The following TRIO variants were observed in gnomAD, a reference collection of about 807,000 sequenced individuals.
The protein encoded by TRIO is trio Rho guanine nucleotide exchange factor, also known as triple functional domain protein.
In TRIO, 58 loss-of-function variants were observed where a neutral mutation model predicts 351.9. That is an observed-to-expected ratio of 0.16 (90% CI 0.13 to 0.21). The LOEUF (loss-of-function observed/expected upper bound fraction) is 0.21, where lower values mean the gene tolerates loss of function less well. TRIO is among the 10% of genes least tolerant of loss of function. The pLI is 1.00. For missense variants in TRIO, 3,201 were observed against 4,027.8 expected, an observed-to-expected ratio of 0.79 and a Z score of 5.56; for synonymous variants, 1,758 against 1,595.7, an observed-to-expected ratio of 1.10 and a Z score of -2.42.
intron 2 of TRIO, among the ~76,000 whole-genome samples, chr5:14,271,870 C>T (rs1336039175): frequency 6.6e-6 from 1 of 152,192 alleles, no homozygotes; most frequent in Non-Finnish European, 1.5e-5. Context: ...TAAGATGCAG[C>T]TTCCTATGGT....
chr5:14,286,468 T>TG lies in TRIO; in HGVS notation c.348-402dup, dbSNP rs1444218077. On this transcript the variant is annotated intron_variant, in intron 3 of 56. Transcript: ENST00000344204. This position sits in a 1 kb window ranked among gnomAD's most constrained non-coding sequence, Gnocchi z 4.4. Reference sequence around the variant, plus strand: ...AGACTGTCCCCAGTCTGGGTTTTGTTGCAGGCTGTCAGGGTTTTGTACTCA... The same window carrying TG: ...AGACTGTCCCCAGTCTGGGTTTTGTTGGCAGGCTGTCAGGGTTTTGTACTCA... Among the ~76,000 whole-genome samples the TG allele has an allele frequency of 3.9e-5, 6 of 152,238 alleles. 1 individual carries two copies. The East Asian group carries it at 1.2e-3, about 29-fold the overall frequency.
At chr5:14,490,699 C>A in intron 48 of TRIO, 1 of 428,100 alleles carries the variant, frequency 2.3e-6, no homozygotes, top group Non-Finnish European at 4.7e-6. Flanking sequence ...GCAGGATAGA[C>A]TTGAAATGCC....
chr5:14,330,949 G>T, intron 10 of TRIO, 49 bp downstream of exon 10: 1 of 1,605,878 alleles, frequency 6.2e-7, no homozygotes, highest in South Asian at 1.1e-5. Context: ...CCGTGTGGTT[G>T]ATTTTGGATT....
chr5:14,219,699 G>GCAC, intron 1 of TRIO, among the ~76,000 whole-genome samples: 1 of 152,286 alleles, frequency 6.6e-6, no homozygotes, highest in Admixed American at 6.5e-5. Flanking sequence ...AGAATCCTCA[G>GCAC]CACCAGCTGA....
intron 34 of TRIO, among the ~76,000 whole-genome samples, chr5:14,458,509 C>T (rs1204645296): frequency 2.0e-5 from 3 of 152,172 alleles, no homozygotes; most frequent in Non-Finnish European, 4.4e-5. Context: ...GTTTGTACCT[C>T]GCCTATAGTA....
chr5:14,191,215 C>T (rs773992099), intron 1 of TRIO, among the ~76,000 whole-genome samples: 16 of 152,130 alleles, frequency 1.1e-4, no homozygotes, highest in Non-Finnish European at 2.2e-4. Flanking sequence ...CCAATATGAC[C>T]TAGTTGGAGT....
intron 1 of TRIO, among the ~76,000 whole-genome samples, chr5:14,203,107 G>T (rs114642674): frequency 4.7e-4 from 72 of 152,206 alleles, no homozygotes; most frequent in African/African-American, 1.7e-3. Flanking sequence ...TTTAAAAAAT[G>T]GAGTAAACAA....
chr5:14,304,674 T>C (rs894771360), intron 8 of TRIO, 82 bp downstream of exon 8: 71 of 1,479,634 alleles, frequency 4.8e-5, no homozygotes, highest in Non-Finnish European at 5.7e-5. Flanking sequence ...AAAAAAAGTT[T>C]TGGGTAGCCC....
intron 26 of TRIO, among the ~76,000 whole-genome samples, 159 bp from the exon 27 acceptor site, chr5:14,390,742 C>T (rs1008159199): frequency 2.0e-5 from 3 of 152,142 alleles, no homozygotes; most frequent in Non-Finnish European, 4.4e-5. Flanking sequence ...GCTGTCAGAA[C>T]GATGTGTTTC....
At chr5:14,436,404 G>C (rs1269744831) in intron 34 of TRIO, among the ~76,000 whole-genome samples, 4 of 152,110 alleles carry the variant, frequency 2.6e-5, no homozygotes, top group African/African-American at 9.7e-5. Context: ...GGGAATTCAA[G>C]ATGAGATTTG....
intron 1 of TRIO, among the ~76,000 whole-genome samples, chr5:14,216,762 A>C (rs1248001944): frequency 6.6e-6 from 1 of 152,256 alleles, no homozygotes; most frequent in Non-Finnish European, 1.5e-5. Context: ...ATTCCAGGGA[A>C]ACTGCCTCCA....
At chr5:14,359,257 C>A (rs1218443330) in intron 12 of TRIO, 100 bp from the exon 13 acceptor site, 1 of 1,441,154 alleles carries the variant, frequency 6.9e-7, no homozygotes, top group Non-Finnish European at 9.5e-7. Context: ...GTGCAGCTTC[C>A]TGCCAGCTTT....
intron 39 of TRIO, among the ~76,000 whole-genome samples, chr5:14,472,905 T>C (rs1380320409): frequency 6.6e-6 from 1 of 152,234 alleles, no homozygotes; most frequent in Non-Finnish European, 1.5e-5. Flanking sequence ...AGTTGAAATT[T>C]ACAATTATTA....
At chr5:14,313,744 T>A (rs544735760) in intron 8 of TRIO, among the ~76,000 whole-genome samples, 3 of 152,334 alleles carry the variant, frequency 2.0e-5, no homozygotes, top group African/African-American at 7.2e-5. Context: ...CTGCTAAAGC[T>A]CCAGCTATCT....
chr5:14,227,416 C>T (rs1349712839), intron 1 of TRIO, among the ~76,000 whole-genome samples: 1 of 152,228 alleles, frequency 6.6e-6, no homozygotes, highest in African/African-American at 2.4e-5. Context: ...TACAGTGTAA[C>T]TCTAGACTTC....
intron 34 of TRIO, among the ~76,000 whole-genome samples, chr5:14,448,565 A>G (rs994642968): frequency 3.9e-5 from 6 of 152,066 alleles, no homozygotes; most frequent in Admixed American, 6.5e-5. Context: ...CAGTGGGGCC[A>G]CTCCCTGGCT....
intron 1 of TRIO, among the ~76,000 whole-genome samples, chr5:14,184,633 G>A (rs1003390250): frequency 3.3e-5 from 5 of 152,148 alleles, no homozygotes; most frequent in Admixed American, 2.0e-4. Flanking sequence ...AGGAAAGAGC[G>A]CATCTCAGCA....
At chr5:14,455,174 T>C (rs947818179) in intron 34 of TRIO, among the ~76,000 whole-genome samples, 3 of 152,144 alleles carry the variant, frequency 2.0e-5, no homozygotes, top group Non-Finnish European at 4.4e-5. Context: ...GGGACCCAAA[T>C]GGGTTGCCGC....
Position 14,497,683 on chromosome 5 carries a change from G to C in TRIO, c.8020-164G>C, listed in dbSNP as rs1756992287. Among the ~76,000 whole-genome samples, 1 of 152,198 alleles carries C rather than the reference G, an allele frequency of 6.6e-6. No homozygotes were observed. Among genetic ancestry groups the C allele is most frequent in the Non-Finnish European group, 1.5e-5 (1 of 68,044 alleles). On this transcript the variant is annotated intron_variant, in intron 50 of 56. Coordinates refer to ENST00000344204, the MANE Select transcript of TRIO (RefSeq NM_007118.4). This position sits in a 1 kb window ranked among gnomAD's most constrained non-coding sequence, Gnocchi z 4.4. ...GAAAAAGACCCACCCAAATTAGTGT[G>C]ACATGAAACTTTTGAGTGCAGTGAA... is the stretch of plus-strand genomic sequence containing the variant.
Sources: allele counts gnomAD v4.1 joint callset (sites outside exome capture counted in the v4.1 genomes callset), GRCh38; gene constraint gnomAD v4.1.1; non-coding constraint Gnocchi (gnomAD v3.1); transcripts MANE v1.5; gene names NCBI Gene and HGNC (gene_info 2026-07-23, HGNC 2026-07-21).